DISC1: variants seen among roughly 807,000 people sequenced by gnomAD.
The protein encoded by DISC1 is DISC1 scaffold protein.
A neutral mutation model predicts 84.5 loss-of-function variants in DISC1; 57 were observed. The ratio of observed to expected loss-of-function variants is 0.67; its 90% confidence interval spans 0.55 to 0.84. The LOEUF is 0.84. Ranked by LOEUF, DISC1 falls within the 40% of genes least tolerant of loss-of-function variation. The pLI, the probability that DISC1 is intolerant of heterozygous loss-of-function variation, is 0.00. For missense variants in DISC1, 1,000 were observed against 1,057.8 expected (o/e 0.95, Z 0.76); for synonymous variants, 411 against 415.2 (o/e 0.99, Z 0.12).
chr1:231,876,187 T>A (rs1212934792), intron 9 of DISC1, among the ~76,000 whole-genome samples: 2 of 152,150 alleles, frequency 1.3e-5, no homozygotes, highest in Non-Finnish European at 2.9e-5. Context: ...TCATGAATAG[T>A]TTAGCACTAT....
At chr1:231,801,641 C>A (rs2079267860) in intron 8 of DISC1, among the ~76,000 whole-genome samples, 2 of 152,132 alleles carry the variant, frequency 1.3e-5, no homozygotes, top group African/African-American at 4.8e-5. Context: ...GGTGGACCGG[C>A]CTTTCAGTCA....
chr1:231,853,301 C>T (rs1451506611), intron 9 of DISC1, among the ~76,000 whole-genome samples: 1 of 152,166 alleles, frequency 6.6e-6, no homozygotes, highest in Non-Finnish European at 1.5e-5. Flanking sequence ...CATCGTTAGG[C>T]AATTTTGCCA....
intron 3 of DISC1, among the ~76,000 whole-genome samples, chr1:231,726,053 G>T (rs1439853160): frequency 6.6e-6 from 1 of 152,160 alleles, no homozygotes; most frequent in Non-Finnish European, 1.5e-5. Flanking sequence ...CAGAAACATG[G>T]TTGGTCTACA....
At chr1:231,820,919 G>A (rs1415106446) in intron 9 of DISC1, among the ~76,000 whole-genome samples, 1 of 152,136 alleles carries the variant, frequency 6.6e-6, no homozygotes, top group African/African-American at 2.4e-5. Flanking sequence ...CAGTCTTAGG[G>A]AACAATTAGC....
intron 9 of DISC1, among the ~76,000 whole-genome samples, chr1:231,947,061 C>T (rs1657375924): frequency 6.6e-6 from 1 of 152,160 alleles, no homozygotes; most frequent in Non-Finnish European, 1.5e-5. Context: ...ATGCTATCCC[C>T]ATCAAGCTAC....
chr1:231,780,299 A>T (rs1020222438), intron 6 of DISC1, among the ~76,000 whole-genome samples: 9 of 152,052 alleles, frequency 5.9e-5, no homozygotes, highest in South Asian at 4.1e-4. Flanking sequence ...TCCTTTCTAA[A>T]TTGATAAATT....
At chr1:231,853,247 A>G (rs1324299395) in intron 9 of DISC1, among the ~76,000 whole-genome samples, 3 of 152,254 alleles carry the variant, frequency 2.0e-5, no homozygotes, top group Admixed American at 6.5e-5. Flanking sequence ...ATAATCAAAT[A>G]CAGTCCTACA....
rs759091145 is a variant in DISC1 at position 231,694,045 on chromosome 1, G to A, written c.287G>A (p.Arg96Gln). The A allele has an allele frequency of 3.1e-6, 5 of 1,614,028 alleles. No homozygotes were observed. The highest frequency in any genetic ancestry group is 2.7e-5 in the African/African-American group (2 of 74,930). The change falls in exon 2 of 13, where the codon CGG (arginine) becomes CAG (glutamine). Residue 96 changes from arginine to glutamine, a missense_variant. Arg to Gln is a conservative substitution (Grantham distance 43, BLOSUM62 1). Transcript: ENST00000439617. ...CTTGACTCGAGAGGCCTCTTGGTCC[G>A]GAGCCCTGTTTCCAAGAGTGCAGCA... Reference protein sequence around the residue: ...CGLDSRGLLVRSPVSKSAAAP... With the variant: ...CGLDSRGLLVQSPVSKSAAAP...
chr1:231,849,900 T>C (rs1355902994), intron 9 of DISC1, among the ~76,000 whole-genome samples: 1 of 152,226 alleles, frequency 6.6e-6, no homozygotes, highest in African/African-American at 2.4e-5. Flanking sequence ...TTTTGTTCCC[T>C]AGTGTCTTCG....
chr1:232,001,583 TAAAAATATGCTC>T (rs983072617), intron 10 of DISC1, among the ~76,000 whole-genome samples: 17 of 152,166 alleles, frequency 1.1e-4, no homozygotes, highest in African/African-American at 4.1e-4. Context: ...AATAGGTCCA[TAAAAATATGCTC>T]AAATGATTTT....
intron 10 of DISC1, among the ~76,000 whole-genome samples, chr1:231,996,925 A>G (rs1666034269): frequency 6.6e-6 from 1 of 152,214 alleles, no homozygotes; most frequent in African/African-American, 2.4e-5. Flanking sequence ...CCTTCTCTTC[A>G]ATAATTATTA....
intron 1 of DISC1, among the ~76,000 whole-genome samples, chr1:231,646,403 T>C (rs1243202192): frequency 6.6e-6 from 1 of 152,212 alleles, no homozygotes; most frequent in African/African-American, 2.4e-5. Flanking sequence ...CAGTCTATCA[T>C]TGACGGACAT....
chr1:231,888,883 C>T (rs1338983570), intron 9 of DISC1, among the ~76,000 whole-genome samples: 2 of 152,098 alleles, frequency 1.3e-5, no homozygotes, highest in African/African-American at 4.8e-5. Context: ...TGGGCACTTT[C>T]CCCTGAGTTT....
In DISC1 at chr1:231,864,401, C is replaced by T. The variant is rs192029682; in HGVS notation, c.1981+45884C>T. 8.6e-3 allele frequency among the ~76,000 whole-genome samples: 1,310 copies of T among 152,238 alleles called. 4 individuals are homozygous for T. The highest frequency in any genetic ancestry group is 0.011 in the Admixed American group (161 of 15,300). On this transcript the variant is annotated intron_variant, in intron 9 of 12. Coordinates refer to ENST00000439617, the MANE Select transcript of DISC1 (RefSeq NM_018662.3). ...GGGGTGGGCCGGGCGCAGTGGCTCA[C>T]GCCTGTAATCCCAGCACTTTGGGAG...
At chr1:231,813,292 C>A (rs1278568584) in intron 8 of DISC1, 1 of 152,238 alleles carries the variant, frequency 6.6e-6, no homozygotes, top group Non-Finnish European at 1.5e-5. Flanking sequence ...TGGTGCCCAT[C>A]CCACTTTTTA....
chr1:231,892,208 G>A (rs1038650629), intron 9 of DISC1, among the ~76,000 whole-genome samples: 2 of 152,168 alleles, frequency 1.3e-5, no homozygotes, highest in African/African-American at 4.8e-5. Flanking sequence ...TGGGTGTCAG[G>A]AAGAAGAAGC....
intron 8 of DISC1, among the ~76,000 whole-genome samples, chr1:231,808,684 G>A (rs912893580): frequency 6.6e-6 from 1 of 152,188 alleles, no homozygotes; most frequent in South Asian, 2.1e-4. Flanking sequence ...CTGTGACCAG[G>A]GGCTCCTCGC....
intron 9 of DISC1, among the ~76,000 whole-genome samples, chr1:231,931,076 T>A (rs2090628101): frequency 6.6e-6 from 1 of 152,194 alleles, no homozygotes; most frequent in Non-Finnish European, 1.5e-5. Flanking sequence ...AACTAGACAT[T>A]GTCTTCAAGA....
intron 1 of DISC1, among the ~76,000 whole-genome samples, chr1:231,643,416 A>G (rs904880505): frequency 1.3e-5 from 2 of 152,350 alleles, no homozygotes; most frequent in South Asian, 2.1e-4. Flanking sequence ...CTGGGCACAC[A>G]CACTGTATAC....
Sources: allele counts gnomAD v4.1 joint callset (sites outside exome capture counted in the v4.1 genomes callset), GRCh38; gene constraint gnomAD v4.1.1; transcripts MANE v1.5; gene names NCBI Gene and HGNC (gene_info 2026-07-23, HGNC 2026-07-21).